The following SHTN1 variants were observed in gnomAD, a reference collection of about 807,000 sequenced individuals.
SHTN1 encodes shootin-1.
SHTN1 carries 42 observed loss-of-function variants against 83.1 expected under a neutral mutation model. The ratio of observed to expected loss-of-function variants is 0.51; its 90% CI spans 0.39 to 0.65. The LOEUF (loss-of-function observed/expected upper bound fraction) is 0.65, where lower values mean the gene tolerates loss of function less well. Among genes scored for constraint, SHTN1 ranks in the 30% least tolerant of loss-of-function variants. SHTN1 has a pLI of 0.00. For synonymous variants in SHTN1, 224 were observed against 247.7 expected, an observed-to-expected ratio of 0.90 and a Z score of 0.90; for missense variants, 622 against 737.8, an observed-to-expected ratio of 0.84 and a Z score of 1.82.
At chr10:117,052,075 AC>A (rs1285389681) in intron 1 of SHTN1, among the ~76,000 whole-genome samples, 2 of 133,874 alleles carry the variant, frequency 1.5e-5, no homozygotes, top group African/African-American at 5.4e-5. Flanking sequence ...AAACAAATTC[AC>A]CAAAAATCTA....
intron 16 of SHTN1, among the ~76,000 whole-genome samples, chr10:116,897,016 C>T (rs1199653426): frequency 2.6e-5 from 4 of 151,916 alleles, no homozygotes; most frequent in Admixed American, 6.5e-5. Flanking sequence ...CATGTTGGCC[C>T]GGCTGGTCTT....
intron 1 of SHTN1, among the ~76,000 whole-genome samples, chr10:117,099,824 A>G (rs1853562500): frequency 1.3e-5 from 2 of 152,132 alleles, no homozygotes. Flanking sequence ...GTGGCTCTAG[A>G]CAAGTTACTG....
chr10:116,921,246 C>A (rs573652757), intron 12 of SHTN1, among the ~76,000 whole-genome samples, 188 bp downstream of exon 12: 1 of 152,246 alleles, frequency 6.6e-6, no homozygotes, highest in East Asian at 1.9e-4. Context: ...GTGAGGTGTG[C>A]GTGTTTATCT....
At chr10:117,068,043 G>C (rs1853028573) in intron 1 of SHTN1, among the ~76,000 whole-genome samples, 1 of 152,090 alleles carries the variant, frequency 6.6e-6, no homozygotes, top group Non-Finnish European at 1.5e-5. Context: ...TAGATACTTG[G>C]GTTCAGAGCC....
intron 4 of SHTN1, among the ~76,000 whole-genome samples, chr10:116,957,445 G>C (rs796790136): frequency 2.0e-5 from 3 of 151,082 alleles, no homozygotes; most frequent in African/African-American, 7.3e-5. Context: ...GTAGAGACGG[G>C]GTTTCACCAT....
At chr10:117,055,020 G>A (rs1267466143) in intron 1 of SHTN1, among the ~76,000 whole-genome samples, 1 of 152,184 alleles carries the variant, frequency 6.6e-6, no homozygotes, top group Non-Finnish European at 1.5e-5. Flanking sequence ...GTTCCACATG[G>A]TTGGGGAGGC....
At chr10:116,888,964 C>A (rs1178788661) in intron 16 of SHTN1, among the ~76,000 whole-genome samples, 1 of 152,244 alleles carries the variant, frequency 6.6e-6, no homozygotes, top group Non-Finnish European at 1.5e-5. Context: ...GATTGAGTCA[C>A]CAGTACGAAG....
intron 1 of SHTN1, among the ~76,000 whole-genome samples, chr10:117,085,552 C>G (rs1406463213): frequency 6.6e-6 from 1 of 152,120 alleles, no homozygotes; most frequent in East Asian, 1.9e-4. Flanking sequence ...TGTGGTCTAC[C>G]TTGGTGAATG....
intron 1 of SHTN1, among the ~76,000 whole-genome samples, chr10:117,001,135 A>G (rs1851811346): frequency 6.6e-6 from 1 of 152,106 alleles, no homozygotes; most frequent in Admixed American, 6.6e-5. Context: ...TTCTCGGTGC[A>G]TTAAAGATGT....
intron 13 of SHTN1, among the ~76,000 whole-genome samples, chr10:116,912,903 A>G (rs1848253171): frequency 6.6e-6 from 1 of 152,210 alleles, no homozygotes; most frequent in African/African-American, 2.4e-5. Context: ...TCCTACTTCA[A>G]ATTTTAAAAA....
chr10:117,049,664 G>A (rs1430311752), intron 1 of SHTN1, among the ~76,000 whole-genome samples: 1 of 152,202 alleles, frequency 6.6e-6, no homozygotes, highest in Admixed American at 6.5e-5. Flanking sequence ...GTACTATTCT[G>A]CAATAGCTAG....
rs1409337230 is a variant in SHTN1 at position 117,078,685 on chromosome 10, A to G, written c.-188-30175T>C. ...GACCACTAGTAGGAGTGCTTTAGGC[A>G]GGAGGAAAATCCTCCCAGTGAAAGC... On this transcript the variant is annotated intron_variant, in intron 1 of 17. Transcript: ENST00000392901. Among the ~76,000 whole-genome samples the G allele has an allele frequency of 3.3e-5, 5 of 152,248 alleles. No individual in the cohort carries two copies. The East Asian group carries it at 9.6e-4, about 29-fold the overall frequency.
At chr10:117,039,954 T>C (rs1221457165) in intron 2 of SHTN1, among the ~76,000 whole-genome samples, 4 of 151,408 alleles carry the variant, frequency 2.6e-5, no homozygotes, top group African/African-American at 9.7e-5. Flanking sequence ...TTGCTGCAAA[T>C]CTAAAACTGC....
intron 2 of SHTN1, among the ~76,000 whole-genome samples, chr10:116,972,830 T>A (rs1192387044): frequency 1.3e-5 from 2 of 152,226 alleles, no homozygotes; most frequent in Admixed American, 1.3e-4. Flanking sequence ...TAACATTACA[T>A]CGACTCTAGA....
chr10:116,886,437 T>G lies in SHTN1; in HGVS notation c.1803A>C (p.Pro601=), dbSNP rs1372843287. 6.2e-6 allele frequency: 10 copies of G among 1,611,446 alleles called. No individual in the cohort carries two copies. The change falls in exon 17 of 17, where the codon CCA becomes CCC. Residue 601 remains proline (P), a synonymous_variant. Transcript: ENST00000355371. Reference sequence around the variant, plus strand: ...CGCCTTCATCCTCCTTGTGTTGAGTTGGATCTTTTTCAGCAACCTGGTCTT... The same window carrying G: ...CGCCTTCATCCTCCTTGTGTTGAGTGGGATCTTTTTCAGCAACCTGGTCTT... ...QTKDQVAEKD[P]TQHKEDEGEI...
At chr10:117,052,698 C>G (rs1051348831) in intron 1 of SHTN1, among the ~76,000 whole-genome samples, 1 of 151,924 alleles carries the variant, frequency 6.6e-6, no homozygotes, top group African/African-American at 2.4e-5. Context: ...ACAAGAGATG[C>G]TGAAACAACT....
chr10:116,887,586 G>A (rs1334557142), intron 16 of SHTN1, among the ~76,000 whole-genome samples: 4 of 152,146 alleles, frequency 2.6e-5, no homozygotes, highest in African/African-American at 9.7e-5. Flanking sequence ...ACCAGGAGTT[G>A]GTTTCTACTA....
chr10:116,986,944 G>T (rs1294412288), intron 1 of SHTN1, among the ~76,000 whole-genome samples: 1 of 151,902 alleles, frequency 6.6e-6, no homozygotes, highest in Non-Finnish European at 1.5e-5. Context: ...GGTCAGGCTG[G>T]ACTTGAATTC....
At chr10:116,953,600 C>T (rs970728361) in intron 5 of SHTN1, among the ~76,000 whole-genome samples, 17 of 150,722 alleles carry the variant, frequency 1.1e-4, no homozygotes, top group African/African-American at 4.1e-4. Flanking sequence ...TAGGGTAGGA[C>T]CCAGGCATCA....
Sources: gnomAD v4.1 joint callset for allele counts (sites outside exome capture counted in the v4.1 genomes callset) on GRCh38, gnomAD v4.1.1 for gene constraint, MANE v1.5 for transcripts, NCBI Gene and HGNC (gene_info 2026-07-23, HGNC 2026-07-21) for gene names.